Variants in MFHAS1 observed in about 807,000 individuals in gnomAD.
MFHAS1 encodes malignant fibrous histiocytoma-amplified sequence 1.
In MFHAS1, 50 loss-of-function variants were observed where a neutral mutation model predicts 70.4. That is an observed-to-expected ratio of 0.71 (90% CI 0.57 to 0.90). The LOEUF is 0.90. Ranked by LOEUF, MFHAS1 falls within the 40% of genes least tolerant of loss-of-function variation. The pLI, the probability that MFHAS1 is intolerant of heterozygous loss-of-function variation, is 0.00. For missense variants in MFHAS1, 1,795 were observed against 1,347.6 expected (o/e 1.33, Z -5.20); for synonymous variants, 952 against 620.0 (o/e 1.54, Z -7.96).
rs774860472 is a variant in MFHAS1 at position 8,892,739 on chromosome 8, G to A, written c.320C>T (p.Ala107Val). 2 of 1,000,714 alleles carry A rather than the reference G, an allele frequency of 2.0e-6. No individual in the cohort carries two copies. Among genetic ancestry groups the A allele is most frequent in the East Asian group, 3.9e-5 (1 of 25,376 alleles). The allele number at this position is 1,000,714 out of a possible 1,614,324, so 62.0% of individuals were successfully genotyped here. A position where few individuals can be genotyped will look rare whatever the true frequency, so the allele number is the denominator to read the frequency against. ...NRFARLPPAV[A>V]ELGHHLTELD... ...CTCGGTGAGGTGGTGGCCGAGCTCG[G>A]CCACCGCCGGGGGCAGCCGGGCGAA... The change falls in exon 1 of 3, where the codon GCC (alanine) becomes GTC (valine). Residue 107 changes from alanine (A) to valine (V), a missense_variant. Transcript: ENST00000276282. The surrounding 1 kb of genome is among the most constrained non-coding windows in gnomAD (Gnocchi z 4.7).
intron 1 of MFHAS1, among the ~76,000 whole-genome samples, chr8:8,879,840 C>A (rs531324890): frequency 2.0e-5 from 3 of 152,196 alleles, no homozygotes; most frequent in African/African-American, 4.8e-5. Context: ...CAGTGATTGA[C>A]GACACTTATC....
chr8:8,891,454 C>A lies in MFHAS1; in HGVS notation c.1605G>T (p.Val535=). ...ARVPHAVVCI[V]GTHADLCGER... is the part of the protein sequence containing the mutation. ...CTCCGCACAGGTCTGCGTGGGTGCC[C>A]ACGATGCACACCACCGCGTGGGGCA... Residue 535 remains valine (V), a synonymous_variant, in exon 1 of 3, where the codon GTG becomes GTT. Coordinates refer to ENST00000276282, the MANE Select transcript of MFHAS1 (RefSeq NM_004225.3). This position sits in a 1 kb window ranked among gnomAD's most constrained non-coding sequence, Gnocchi z 5.4. The A allele has an allele frequency of 6.2e-7, 1 of 1,612,974 alleles. No individual in the cohort carries two copies. Among genetic ancestry groups the A allele is most frequent in the Non-Finnish European group, 8.5e-7 (1 of 1,180,024 alleles).
chr8:8,785,499 C>T lies in MFHAS1; in HGVS notation c.*523G>A, dbSNP rs1805508851. The T allele has an allele frequency of 6.5e-6, 1 of 152,716 alleles. No individual in the cohort carries two copies. Among genetic ancestry groups the T allele is most frequent in the African/African-American group, 2.4e-5 (1 of 41,308 alleles). The allele number at this position is 152,716 out of a possible 1,614,324, so 9.5% of individuals were successfully genotyped here. On this transcript the variant is annotated 3_prime_UTR_variant, in exon 3 of 3. Transcript: ENST00000276282. ...ACAGTTCTCATGCAGAATATTGCAC[C>T]CAGTGTGAACTAACGCTAGAAGCTT...
At chr8:8,855,628 G>A (rs544506913) in intron 1 of MFHAS1, among the ~76,000 whole-genome samples, 5 of 152,272 alleles carry the variant, frequency 3.3e-5, no homozygotes, top group African/African-American at 9.6e-5. Flanking sequence ...GGCCGAGGCG[G>A]GTGGATTACT....
chr8:8,891,982 G>A lies in MFHAS1; in HGVS notation c.1077C>T (p.Asp359=), dbSNP rs1301605363. ...LQGNQIAVLP[D]HFGQLSRVGL... The stretch of plus-strand genomic sequence containing the variant: ...CCACCCGGGAGAGCTGGCCAAAGTG[G>A]TCGGGCAGCACCGCGATCTGGTTCC... Residue 359 remains aspartate, a synonymous_variant, in exon 1 of 3, where the codon GAC becomes GAT. Transcript: ENST00000276282. This position sits in a 1 kb window ranked among gnomAD's most constrained non-coding sequence, Gnocchi z 5.4. 8 of 1,613,200 alleles carry A rather than the reference G, an allele frequency of 5.0e-6. No homozygotes were observed. Among genetic ancestry groups the A allele is most frequent in the South Asian group, 1.1e-5 (1 of 91,034 alleles).
At chr8:8,829,761 A>G (rs1001840505) in intron 1 of MFHAS1, among the ~76,000 whole-genome samples, 12 of 152,228 alleles carry the variant, frequency 7.9e-5, no homozygotes, top group Non-Finnish European at 1.8e-4. Flanking sequence ...CAATGGCAGG[A>G]CCAATGGATG....
chr8:8,887,123 T>C (rs574332936), intron 1 of MFHAS1, among the ~76,000 whole-genome samples: 101 of 152,218 alleles, frequency 6.6e-4, no homozygotes, highest in African/African-American at 2.4e-3. Context: ...CAAGACTCCA[T>C]CTCAAAAACA....
At position 8,893,147 on chromosome 8, in the gene MFHAS1, C is replaced by T. The variant is rs1351062612; in HGVS notation, c.-89G>A. ...GCCCCGGGCCCTCCGGCTCCTGCCC[C>T]TGCCTGCCCTCCCGCGCTCGGCGGC... On this transcript the variant is annotated 5_prime_UTR_variant, in exon 1 of 3. Transcript: ENST00000276282. 23 of 878,264 alleles carry T rather than the reference C, an allele frequency of 2.6e-5. No homozygotes were observed. Among genetic ancestry groups the T allele is most frequent in the Non-Finnish European group, 3.5e-5 (23 of 665,646 alleles). The allele number at this position is 878,264 out of a possible 1,614,324, so 54.4% of individuals were successfully genotyped here. A position where few individuals can be genotyped will look rare whatever the true frequency, so the allele number is the denominator to read the frequency against.
Position 8,790,688 on chromosome 8 carries a change from T to A in MFHAS1, c.3126-4633A>T, listed in dbSNP as rs145977450. On this transcript the variant is annotated intron_variant, in intron 2 of 2. Transcript: ENST00000276282. Reference sequence around the variant, plus strand: ...AAATTCTGTGGTCAGTGAAAAATTCTCCATTGTGATGAAGCCTAATTCATA... The same window carrying A: ...AAATTCTGTGGTCAGTGAAAAATTCACCATTGTGATGAAGCCTAATTCATA... Among the ~76,000 whole-genome samples, 22 of 152,302 alleles carry A rather than the reference T, an allele frequency of 1.4e-4. No homozygotes were observed. The East Asian group carries it at 4.2e-3, about 29-fold the overall frequency.
chr8:8,826,880 C>G (rs1424814340), intron 1 of MFHAS1, among the ~76,000 whole-genome samples: 1 of 152,104 alleles, frequency 6.6e-6, no homozygotes, highest in African/African-American at 2.4e-5. Context: ...GGAAACACAC[C>G]CACATAATTA....
intron 1 of MFHAS1, among the ~76,000 whole-genome samples, chr8:8,815,089 TC>T (rs1397845183): frequency 2.0e-5 from 3 of 152,126 alleles, no homozygotes; most frequent in Non-Finnish European, 2.9e-5. Context: ...ATTGTTCAGC[TC>T]CCACTTATGA....
At chr8:8,812,386 T>C (rs1806582337) in intron 1 of MFHAS1, among the ~76,000 whole-genome samples, 1 of 152,146 alleles carries the variant, frequency 6.6e-6, no homozygotes, top group Admixed American at 6.5e-5. Flanking sequence ...CCCAGGGTGG[T>C]GGGCACATCT....
Position 8,784,100 on chromosome 8 carries a change from C to T in MFHAS1, c.*1922G>A, listed in dbSNP as rs1805451200. ...GTGTCACCCAAAGGAGCATTTTTGTCATTTAATATGGTCCCCGGGGAGTTA... is the reference window on the plus strand; with the variant it reads ...GTGTCACCCAAAGGAGCATTTTTGTTATTTAATATGGTCCCCGGGGAGTTA... On this transcript the variant is annotated 3_prime_UTR_variant, in exon 3 of 3. Coordinates refer to ENST00000276282, the MANE Select transcript of MFHAS1 (RefSeq NM_004225.3). 1 of 152,140 alleles carries T rather than the reference C, an allele frequency of 6.6e-6. No homozygotes were observed. The highest frequency in any genetic ancestry group is 1.5e-5 in the Non-Finnish European group (1 of 68,018). The allele number at this position is 152,140 out of a possible 1,614,324, so 9.4% of individuals were successfully genotyped here. A position where few individuals can be genotyped will look rare whatever the true frequency, so the allele number is the denominator to read the frequency against.
rs1805498973 is a variant in MFHAS1, at chr8:8,785,287, AAAG to A, written c.*732_*734del. On this transcript the variant is annotated 3_prime_UTR_variant, in exon 3 of 3. Transcript: ENST00000276282. The stretch of plus-strand genomic sequence containing the variant: ...TTATATAGGCAGGGACCTTCATTGA[AAAG>A]AAGGGAAGGGACACTGTCTTAAATG... 6.6e-6 allele frequency: 1 copy of A among 152,176 alleles called. No homozygotes were observed. Among genetic ancestry groups the A allele is most frequent in the Non-Finnish European group, 1.5e-5 (1 of 68,034 alleles). 9.4% of individuals were successfully genotyped at this position (152,176 alleles called of 1,614,324 possible). A position where few individuals can be genotyped will look rare whatever the true frequency, so the allele number is the denominator to read the frequency against.
chr8:8,821,033 G>T (rs947951169), intron 1 of MFHAS1, among the ~76,000 whole-genome samples: 1 of 152,154 alleles, frequency 6.6e-6, no homozygotes, highest in Admixed American at 6.5e-5. Context: ...GACAGCCTAC[G>T]TGAGTCAGCA....
chr8:8,814,041 G>A (rs112930476), intron 1 of MFHAS1, among the ~76,000 whole-genome samples: 20,791 of 151,432 alleles, frequency 0.14, 1,840 homozygotes, highest in Non-Finnish European at 0.2. Flanking sequence ...AGGTTCAAGC[G>A]ATTCTTGTTC....
At chr8:8,866,318 GTTT>G (rs11306798) in intron 1 of MFHAS1, among the ~76,000 whole-genome samples, 1 of 141,504 alleles carries the variant, frequency 7.1e-6, no homozygotes, top group Admixed American at 7.0e-5. Flanking sequence ...CTTCTTTTTT[GTTT>G]TTTTTTTTTT....
At chr8:8,833,506 G>A (rs985212305) in intron 1 of MFHAS1, among the ~76,000 whole-genome samples, 5 of 152,130 alleles carry the variant, frequency 3.3e-5, no homozygotes, top group African/African-American at 9.7e-5. Flanking sequence ...GTACATGCCT[G>A]AAGTCTCAGC....
intron 1 of MFHAS1, among the ~76,000 whole-genome samples, chr8:8,877,295 C>G (rs1271307654): frequency 8.6e-5 from 1 of 11,588 alleles, no homozygotes; most frequent in Non-Finnish European, 1.9e-3. Flanking sequence ...GAGTGAGACC[C>G]TGCCTCAAAA....
Sources: gnomAD v4.1 joint callset for allele counts (sites outside exome capture counted in the v4.1 genomes callset) on GRCh38, gnomAD v4.1.1 for gene constraint, Gnocchi (gnomAD v3.1) non-coding constraint, MANE v1.5 for transcripts, NCBI Gene and HGNC (gene_info 2026-07-23, HGNC 2026-07-21) for gene names.